STPG2: variants seen among roughly 807,000 people sequenced by gnomAD.
STPG2 encodes sperm tail PG-rich repeat containing 2, also known as sperm-tail PG-rich repeat-containing protein 2.
In STPG2, 56 loss-of-function variants were observed where a neutral mutation model predicts 54.2. That is an observed-to-expected ratio of 1.03 (90% CI 0.83 to 1.29). The LOEUF is 1.29. Ranked by LOEUF, STPG2 falls within the 50% of genes most tolerant of loss-of-function variation. The probability of loss-of-function intolerance (pLI) is 0.00; values close to 1 mark genes in which losing one functional copy is unlikely to be tolerated. For missense variants in STPG2, 596 were observed against 544.9 expected (o/e 1.09, Z -0.93); for synonymous variants, 200 against 181.8 (o/e 1.10, Z -0.81).
chr4:97,688,617 A>G (rs887993100), intron 10 of STPG2, among the ~76,000 whole-genome samples: 3 of 152,074 alleles, frequency 2.0e-5, no homozygotes, highest in African/African-American at 7.2e-5. Context: ...TCCACATGCC[A>G]AAGTTTTTAA....
At chr4:97,948,352 T>C (rs971175246) in intron 7 of STPG2, among the ~76,000 whole-genome samples, 2 of 152,238 alleles carry the variant, frequency 1.3e-5, no homozygotes, top group East Asian at 1.9e-4. Context: ...CAATTTTATT[T>C]GCCTTTTCAA....
At chr4:97,559,329 T>G (rs888718693) in intron 10 of STPG2, among the ~76,000 whole-genome samples, 3 of 152,220 alleles carry the variant, frequency 2.0e-5, no homozygotes, top group African/African-American at 7.2e-5. Flanking sequence ...ATATTAATTT[T>G]ATATCTAAGT....
rs1732229520 is a variant in STPG2, at chr4:97,561,202, T to C, written c.1321-2085A>G. Among the ~76,000 whole-genome samples the C allele has an allele frequency of 2.6e-5, 4 of 152,150 alleles. No individual in the cohort carries two copies. The South Asian group carries it at 8.3e-4, about 32-fold the overall frequency. On this transcript the variant is annotated intron_variant, in intron 10 of 10. Coordinates refer to ENST00000295268, the MANE Select transcript of STPG2 (RefSeq NM_174952.3). ...TGATTTGCATTTCTCTGATGGCCAGTGATGGTGAGCATTTTTTCATGTGTT... is the reference window on the plus strand; with the variant it reads ...TGATTTGCATTTCTCTGATGGCCAGCGATGGTGAGCATTTTTTCATGTGTT...
intron 4 of STPG2, among the ~76,000 whole-genome samples, chr4:97,535,800 T>G (rs1339272925): frequency 6.6e-6 from 1 of 152,190 alleles, no homozygotes; most frequent in Non-Finnish European, 1.5e-5. Flanking sequence ...ATTTTCAGTT[T>G]ATTTATTTTA....
intron 5 of STPG2, among the ~76,000 whole-genome samples, chr4:98,021,738 T>C (rs1736205753): frequency 6.6e-6 from 1 of 152,040 alleles, no homozygotes; most frequent in East Asian, 1.9e-4. Context: ...TAGTTAGCTC[T>C]TCTTGTTGAA....
chr4:97,523,788 TATTTAGCACCTATTA>T (rs1731227573), intron 4 of STPG2, among the ~76,000 whole-genome samples: 1 of 152,018 alleles, frequency 6.6e-6, no homozygotes, highest in African/African-American at 2.4e-5. Context: ...ACAATTTATT[TATTTAGCACCTATTA>T]TGTGGCAGTC....
chr4:97,963,083 C>G (rs143092963), intron 7 of STPG2, among the ~76,000 whole-genome samples: 2 of 152,158 alleles, frequency 1.3e-5, no homozygotes, highest in South Asian at 2.1e-4. Context: ...TGCTTGAACC[C>G]GGGAGGCAGA....
rs577093449 is a variant in STPG2 at position 97,783,479 on chromosome 4, A to T, written c.1204+57294T>A. ...GGAACACTTTTACACTGTTGGTGGC[A>T]CTGTAAACTAGTTCAACCATTGTGG... On this transcript the variant is annotated intron_variant, in intron 9 of 10. Transcript: ENST00000295268. Among the ~76,000 whole-genome samples the T allele has an allele frequency of 1.1e-4, 17 of 152,358 alleles. No individual in the cohort carries two copies. In the South Asian group the frequency reaches 3.5e-3, roughly 32 times the overall value.
chr4:98,107,345 A>T (rs28444709), intron 4 of STPG2, among the ~76,000 whole-genome samples: 59,962 of 151,842 alleles, frequency 0.39, 12,063 homozygotes, highest in Middle Eastern at 0.46. Context: ...GCCAGAAGGA[A>T]CTGAGACAAC....
At chr4:97,744,038 C>T (rs958254583) in intron 9 of STPG2, among the ~76,000 whole-genome samples, 4 of 151,276 alleles carry the variant, frequency 2.6e-5, no homozygotes, top group Admixed American at 1.3e-4. Flanking sequence ...ATACATAGGT[C>T]GAAGCCTTTG....
At chr4:97,884,432 G>T (rs930796550) in intron 8 of STPG2, among the ~76,000 whole-genome samples, 3 of 152,078 alleles carry the variant, frequency 2.0e-5, no homozygotes, top group Admixed American at 2.0e-4. Flanking sequence ...TATAAAAAGA[G>T]AAAAAGGACA....
At chr4:97,816,645 C>T (rs1358787124) in intron 9 of STPG2, among the ~76,000 whole-genome samples, 2 of 152,064 alleles carry the variant, frequency 1.3e-5, no homozygotes, top group African/African-American at 2.4e-5. Context: ...ATCATGCATC[C>T]TTTCAGGGCC....
At chr4:97,981,902 T>TC (rs1366322716) in intron 5 of STPG2, among the ~76,000 whole-genome samples, 15 of 147,972 alleles carry the variant, frequency 1.0e-4, no homozygotes, top group East Asian at 3.9e-4. Flanking sequence ...TTTTTTTTTT[T>TC]GAGACGGAGT....
Position 97,893,758 on chromosome 4 carries a change from T to C in STPG2, c.1044+50139A>G, listed in dbSNP as rs1431341834. Among the ~76,000 whole-genome samples the C allele has an allele frequency of 5.9e-5, 9 of 151,944 alleles. 1 individual carries two copies. Among genetic ancestry groups the C allele is most frequent in the Admixed American group, 5.9e-4 (9 of 15,202 alleles). ...GTCTACAACTACATGTAGTTACAAA[T>C]GGTACATTATTATAACAGAAGATTC... On this transcript the variant is annotated intron_variant, in intron 8 of 10. Coordinates refer to ENST00000295268, the MANE Select transcript of STPG2 (RefSeq NM_174952.3).
intron 10 of STPG2, among the ~76,000 whole-genome samples, chr4:97,629,429 G>C (rs1721189333): frequency 6.6e-6 from 1 of 152,034 alleles, no homozygotes; most frequent in Non-Finnish European, 1.5e-5. Flanking sequence ...ACTTCTGATA[G>C]ACAAGTGTGG....
At chr4:97,653,963 G>A (rs931901629) in intron 10 of STPG2, among the ~76,000 whole-genome samples, 3 of 151,936 alleles carry the variant, frequency 2.0e-5, no homozygotes. Context: ...TGGCCTCAGA[G>A]ATATAAATGC....
intron 9 of STPG2, among the ~76,000 whole-genome samples, chr4:97,759,974 T>G (rs2149052639): frequency 6.6e-6 from 1 of 152,274 alleles, no homozygotes; most frequent in East Asian, 1.9e-4. Flanking sequence ...TGTCACTTCC[T>G]TATTTACAGC....
chr4:97,924,192 A>C (rs1177926905), intron 8 of STPG2, among the ~76,000 whole-genome samples: 1 of 152,202 alleles, frequency 6.6e-6, no homozygotes, highest in African/African-American at 2.4e-5. Flanking sequence ...GAACATCAGA[A>C]GGAACAAACT....
chr4:97,541,449 C>T (rs1482868088), intron 4 of STPG2, among the ~76,000 whole-genome samples: 5 of 152,022 alleles, frequency 3.3e-5, no homozygotes, highest in South Asian at 4.1e-4. Flanking sequence ...AACTACAAAC[C>T]ACTGCTCAAC....
Sources: allele counts gnomAD v4.1 joint callset (sites outside exome capture counted in the v4.1 genomes callset), GRCh38; gene constraint gnomAD v4.1.1; transcripts MANE v1.5; gene names NCBI Gene and HGNC (gene_info 2026-07-23, HGNC 2026-07-21).